The following TEX11 variants were observed in gnomAD, a reference collection of about 807,000 sequenced individuals.
TEX11 encodes the protein testis expressed 11.
A neutral mutation model predicts 84.4 loss-of-function variants in TEX11; 7 were observed. The observed-to-expected ratio is 0.08, with a 90% CI of 0.05 to 0.16. The LOEUF (loss-of-function observed/expected upper bound fraction) is 0.16. Ranked by LOEUF, TEX11 falls within the 10% of genes least tolerant of loss-of-function variation. The pLI, the probability that TEX11 is intolerant of heterozygous loss-of-function variation, is 1.00. For missense variants in TEX11, 551 were observed against 660.5 expected (o/e 0.83, Z 1.82); for synonymous variants, 264 against 222.8 (o/e 1.18, Z -1.64).
At chrX:70,695,311 T>C (rs766985337) in intron 13 of TEX11, among the ~76,000 whole-genome samples, 12 of 112,182 alleles carry the variant, frequency 1.1e-4, no homozygotes, top group Admixed American at 2.8e-4. Context: ...GTATAAACTA[T>C]ACAGATATAT....
rs772370694 is a variant in TEX11, at chrX:70,689,720, TTA to T, written c.1005-6897_1005-6896del. Among the ~76,000 whole-genome samples the T allele has an allele frequency of 5.4e-5, 6 of 111,838 alleles. No homozygotes were observed. The East Asian group carries it at 1.7e-3, about 31-fold the overall frequency. ...AAAAATGGTTGAACAAATTAACGAA[TTA>T]GGGAGAAGAGACAAATTTCCCATGT... On this transcript the variant is annotated intron_variant, in intron 13 of 29. Transcript: ENST00000374333.
At chrX:70,623,215 A>C (rs1015446261) in intron 20 of TEX11, among the ~76,000 whole-genome samples, 3 of 111,958 alleles carry the variant, frequency 2.7e-5, no homozygotes, top group African/African-American at 9.7e-5. Flanking sequence ...GAACTATTAC[A>C]GAGTTCTTGT....
At chrX:70,817,135 A>ATAG (rs147704584) in intron 8 of TEX11, among the ~76,000 whole-genome samples, 3 of 107,278 alleles carry the variant, frequency 2.8e-5, no homozygotes, top group Non-Finnish European at 5.8e-5. Flanking sequence ...ATAGATAGAT[A>ATAG]ATAAATAATA....
At chrX:70,512,435 T>C in the TEX11 span, among the ~76,000 whole-genome samples, 1 of 107,579 alleles carries the variant, frequency 9.3e-6, no homozygotes, top group Non-Finnish European at 1.9e-5. Flanking sequence ...GCCAGGCTGG[T>C]CTTGAACTCC....
Position 70,720,348 on chromosome X carries a change from A to G in TEX11, c.1004+2270T>C, listed in dbSNP as rs773381379. 1.6e-3 allele frequency among the ~76,000 whole-genome samples: 177 copies of G among 110,629 alleles called. 1 individual carries two copies. The highest frequency in any genetic ancestry group is 1.5e-3 in the Non-Finnish European group (80 of 52,944). On this transcript the variant is annotated intron_variant, in intron 13 of 29. Transcript: ENST00000374333. The stretch of plus-strand genomic sequence containing the variant: ...AACACTTGGACACAGGAAGGGGAAC[A>G]TCACACACCGGGGCCTTTCATGGGG...
chrX:70,563,575 A>G (rs1461533513), intron 25 of TEX11, among the ~76,000 whole-genome samples: 1 of 111,893 alleles, frequency 8.9e-6, no homozygotes, highest in Non-Finnish European at 1.9e-5. Context: ...GGAAGTGGTG[A>G]TAGTGTATAT....
intron 5 of TEX11, 32 bp from the exon 6 acceptor site, chrX:70,853,360 A>G: frequency 2.9e-6 from 3 of 1,033,174 alleles, no homozygotes; most frequent in Non-Finnish European, 4.0e-6. Flanking sequence ...ATAATTTTTA[A>G]AAATTCATAC....
chrX:70,719,928 T>G (rs767775865), intron 13 of TEX11, among the ~76,000 whole-genome samples: 2 of 111,481 alleles, frequency 1.8e-5, no homozygotes, highest in Non-Finnish European at 3.8e-5. Context: ...GGTGGGACTG[T>G]AAACTAGTTC....
At chrX:70,641,966 T>C (rs1202065666) in intron 17 of TEX11, among the ~76,000 whole-genome samples, 3 of 110,487 alleles carry the variant, frequency 2.7e-5, no homozygotes, top group South Asian at 3.9e-4. Flanking sequence ...TTCAAAATAT[T>C]AATGAATCCA....
chrX:70,549,553 G>C (rs1412277700), intron 28 of TEX11, among the ~76,000 whole-genome samples: 1 of 111,118 alleles, frequency 9.0e-6, no homozygotes, highest in African/African-American at 3.3e-5. Flanking sequence ...TGAAGTATGA[G>C]TCCCAGGCCT....
At chrX:70,788,973 T>TATAGAGAGAG (rs1211700739) in intron 9 of TEX11, among the ~76,000 whole-genome samples, 2 of 9,558 alleles carry the variant, frequency 2.1e-4, no homozygotes, top group Non-Finnish European at 3.6e-4. Context: ...TATATATATA[T>TATAGAGAGAG]AGAGAGAGAG....
intron 9 of TEX11, among the ~76,000 whole-genome samples, chrX:70,792,610 G>T (rs1215558969): frequency 9.3e-6 from 1 of 107,650 alleles, no homozygotes; most frequent in Non-Finnish European, 1.9e-5. Flanking sequence ...ACCAAAACTT[G>T]GTTTTATTTG....
At chrX:70,597,496 A>G (rs944803605) in intron 24 of TEX11, among the ~76,000 whole-genome samples, 3 of 112,173 alleles carry the variant, frequency 2.7e-5, no homozygotes, top group African/African-American at 9.7e-5. Context: ...ATTTTCAACA[A>G]TGGCACGAAG....
downstream of TEX11, among the ~76,000 whole-genome samples, chrX:70,526,466 G>T (rs918436354): frequency 3.6e-5 from 4 of 110,081 alleles, 1 homozygote; most frequent in Admixed American, 2.9e-4. Context: ...CTACTTGGGA[G>T]GTTGAGGCAG....
Position 70,750,193 on chromosome X carries a change from C to A in TEX11, c.693-5974G>T, listed in dbSNP as rs2090804629. On this transcript the variant is annotated intron_variant, in intron 9 of 29. Coordinates refer to ENST00000374333, the MANE Select transcript of TEX11 (RefSeq NM_031276.3). ...AAAAATGCTCATCATCACTGGCCATCAGAGAAATGCAAATCAAAACCACAA... is the reference window on the plus strand; with the variant it reads ...AAAAATGCTCATCATCACTGGCCATAAGAGAAATGCAAATCAAAACCACAA... Among the ~76,000 whole-genome samples, 5 of 111,712 alleles carry A rather than the reference C, an allele frequency of 4.5e-5. No homozygotes were observed. The South Asian group carries it at 1.9e-3, about 43-fold the overall frequency.
chrX:70,647,564 AG>A (rs1229240206), intron 17 of TEX11, among the ~76,000 whole-genome samples: 1 of 109,568 alleles, frequency 9.1e-6, no homozygotes, highest in Non-Finnish European at 1.9e-5. Flanking sequence ...ATAATAAAAA[AG>A]ATGAGGTGGA....
chrX:70,762,654 C>G (rs994255363), intron 9 of TEX11, among the ~76,000 whole-genome samples: 1 of 111,175 alleles, frequency 9.0e-6, no homozygotes, highest in East Asian at 2.8e-4. Context: ...TCCCCACCCC[C>G]GATCCCCCAC....
intron 13 of TEX11, among the ~76,000 whole-genome samples, chrX:70,713,166 T>C (rs1302301446): frequency 6.7e-4 from 75 of 111,777 alleles, no homozygotes; most frequent in Non-Finnish European, 8.5e-4. Flanking sequence ...GGAGAAGCTT[T>C]TTGATGTGCT....
chrX:70,539,186 C>T (rs908328319), intron 28 of TEX11, among the ~76,000 whole-genome samples: 2 of 106,260 alleles, frequency 1.9e-5, no homozygotes, highest in African/African-American at 6.8e-5. Flanking sequence ...AGGCGCCTAC[C>T]ACCACGCCCG....
Sources: allele counts gnomAD v4.1 joint callset (sites outside exome capture counted in the v4.1 genomes callset), GRCh38; gene constraint gnomAD v4.1.1; transcripts MANE v1.5; gene names NCBI Gene and HGNC (gene_info 2026-07-23, HGNC 2026-07-21).